CCL28: variants seen among roughly 807,000 people sequenced by gnomAD.
The protein encoded by CCL28 is C-C motif chemokine 28.
CCL28 carries 4 observed loss-of-function variants against 7.1 expected under a neutral mutation model. The observed-to-expected ratio is 0.56, with a 90% CI of 0.28 to 1.29. The LOEUF (loss-of-function observed/expected upper bound fraction) is 1.29, where lower values mean the gene tolerates loss of function less well. CCL28 is among the 50% of genes most tolerant of loss of function. The pLI is 0.11. For missense variants in CCL28, 151 were observed against 163.4 expected (o/e 0.92, Z 0.41); for synonymous variants, 55 against 57.8 (o/e 0.95, Z 0.22).
intron 1 of CCL28, among the ~76,000 whole-genome samples, chr5:43,399,980 G>T (rs958501887): frequency 1.3e-5 from 2 of 151,688 alleles, no homozygotes; most frequent in Non-Finnish European, 1.5e-5. Context: ...CAAGTAGCTC[G>T]GACTACAGGT....
chr5:43,374,953 T>A (rs1409638699), downstream of CCL28, among the ~76,000 whole-genome samples: 1 of 152,098 alleles, frequency 6.6e-6, no homozygotes. Flanking sequence ...TTAATGGCAT[T>A]ACCCAGAAAA....
chr5:43,388,818 G>A (rs1030279366), intron 1 of CCL28, among the ~76,000 whole-genome samples: 8 of 152,172 alleles, frequency 5.3e-5, no homozygotes, highest in Admixed American at 3.3e-4. Context: ...AGCATCATTC[G>A]TTCAGCAAAC....
Position 43,388,483 on chromosome 5 carries a change from G to T in CCL28, c.65-7C>A. 6.2e-7 allele frequency: 1 copy of T among 1,612,616 alleles called. No individual in the cohort carries two copies. Among genetic ancestry groups the T allele is most frequent in the Non-Finnish European group, 8.5e-7 (1 of 1,179,630 alleles). On this transcript the variant is annotated splice_polypyrimidine_tract_variant and splice_region_variant and intron_variant, in intron 1 of 2. Transcript: ENST00000361115. ...GAGGCAATGGGAAGTATGGCTAAAA[G>T]AAGAAAAGAAAGAAAATGTTAAATT...
the CCL28 span, among the ~76,000 whole-genome samples, chr5:43,364,484 T>C: frequency 6.6e-6 from 1 of 152,166 alleles, no homozygotes. Context: ...AATTACAATG[T>C]GTTGATAAAA....
intron 1 of CCL28, among the ~76,000 whole-genome samples, chr5:43,411,333 G>C (rs1346929261): frequency 6.6e-6 from 1 of 152,180 alleles, no homozygotes; most frequent in African/African-American, 2.4e-5. Flanking sequence ...CTGACACTTA[G>C]GGTTTCCTGA....
the CCL28 span, among the ~76,000 whole-genome samples, chr5:43,358,258 A>G: frequency 6.6e-6 from 1 of 152,230 alleles, no homozygotes; most frequent in East Asian, 1.9e-4. Flanking sequence ...GAATTCTAGA[A>G]TCAGGCAACA....
the CCL28 span, among the ~76,000 whole-genome samples, chr5:43,370,924 T>C: frequency 6.6e-6 from 1 of 152,096 alleles, no homozygotes; most frequent in Non-Finnish European, 1.5e-5. Flanking sequence ...GTATTTTTAG[T>C]AGAGATGGGG....
At chr5:43,358,837 A>G in the CCL28 span, among the ~76,000 whole-genome samples, 1 of 152,178 alleles carries the variant, frequency 6.6e-6, no homozygotes, top group South Asian at 2.1e-4. Flanking sequence ...TACTAAAATC[A>G]TTTTTGCAAA....
At chr5:43,358,805 C>A in the CCL28 span, among the ~76,000 whole-genome samples, 1 of 152,076 alleles carries the variant, frequency 6.6e-6, no homozygotes, top group Non-Finnish European at 1.5e-5. Context: ...TCTGTCTGAC[C>A]AAAATAGTCC....
intron 1 of CCL28, among the ~76,000 whole-genome samples, chr5:43,402,432 T>C (rs780925386): frequency 1.3e-5 from 2 of 152,240 alleles, no homozygotes; most frequent in African/African-American, 2.4e-5. Context: ...ATGCAGATTT[T>C]CAGAATTAAC....
intron 1 of CCL28, among the ~76,000 whole-genome samples, chr5:43,406,184 G>A (rs1423907711): frequency 3.9e-5 from 6 of 152,000 alleles, no homozygotes; most frequent in African/African-American, 1.2e-4. Flanking sequence ...GCCTGACAGA[G>A]ACACAACAAA....
chr5:43,377,716 A>ATTTTTTTT (rs1561151287), downstream of CCL28, among the ~76,000 whole-genome samples: 6 of 45,658 alleles, frequency 1.3e-4, no homozygotes, highest in African/African-American at 5.3e-4. Context: ...TAGAACTTAA[A>ATTTTTTTT]CTTTTTTTTT....
intron 2 of CCL28, among the ~76,000 whole-genome samples, chr5:43,385,649 T>A (rs76727066): frequency 6.6e-6 from 1 of 152,178 alleles, no homozygotes; most frequent in Admixed American, 6.5e-5. Flanking sequence ...GTTAAAAAAA[T>A]ACTACAGAAT....
downstream of CCL28, among the ~76,000 whole-genome samples, chr5:43,374,658 G>A (rs1302292248): frequency 6.6e-6 from 1 of 151,804 alleles, no homozygotes. Context: ...GTGCACGCCT[G>A]TAATCCCAGC....
rs141541913 is a variant in CCL28 at position 43,384,508 on chromosome 5, G to A, written c.192-2456C>T. Among the ~76,000 whole-genome samples the A allele has an allele frequency of 2.6e-3, 396 of 152,282 alleles. 1 individual carries two copies. Among genetic ancestry groups the A allele is most frequent in the African/African-American group, 9.2e-3 (381 of 41,556 alleles). On this transcript the variant is annotated intron_variant, in intron 2 of 2. Transcript: ENST00000361115. ...AAAGAGATGAAGTAATGTTGGAAAC[G>A]GGGCTGGCCTATTCCACATTCCTTC...
the CCL28 span, among the ~76,000 whole-genome samples, chr5:43,360,765 C>A: frequency 1.3e-5 from 2 of 152,032 alleles, no homozygotes; most frequent in South Asian, 4.1e-4. Flanking sequence ...TGCCCACTTT[C>A]TAATGGTTTT....
intron 2 of CCL28, among the ~76,000 whole-genome samples, chr5:43,383,125 A>T (rs1354224581): frequency 1.3e-5 from 2 of 151,942 alleles, no homozygotes; most frequent in Non-Finnish European, 2.9e-5. Flanking sequence ...GCTCATTTTC[A>T]TTTTTCTATA....
chr5:43,378,166 G>T (rs575675575), downstream of CCL28, among the ~76,000 whole-genome samples: 52 of 143,526 alleles, frequency 3.6e-4, no homozygotes, highest in Non-Finnish European at 7.1e-4. Flanking sequence ...AACATAGTGA[G>T]ACCCTGTCTC....
At chr5:43,403,770 T>G (rs1038446831) in intron 1 of CCL28, among the ~76,000 whole-genome samples, 25 of 152,172 alleles carry the variant, frequency 1.6e-4, no homozygotes, top group Non-Finnish European at 3.4e-4. Flanking sequence ...GAAAAAAGAT[T>G]AGATGAATGG....
Sources: gnomAD v4.1 joint callset for allele counts (sites outside exome capture counted in the v4.1 genomes callset) on GRCh38, gnomAD v4.1.1 for gene constraint, MANE v1.5 for transcripts, NCBI Gene and HGNC (gene_info 2026-07-23, HGNC 2026-07-21) for gene names.